BRAF: variants seen among roughly 807,000 people sequenced by gnomAD.
The protein encoded by BRAF is serine/threonine-protein kinase B-raf.
Under a neutral mutation model 104.6 loss-of-function variants are expected in BRAF, and 16 were observed. The observed-to-expected ratio is 0.15, with a 90% CI of 0.10 to 0.23. The LOEUF is 0.23. BRAF is among the 10% of genes least tolerant of loss of function. BRAF has a pLI of 1.00. For synonymous variants in BRAF, 310 were observed against 341.6 expected (o/e 0.91, Z 1.02); for missense variants, 541 against 937.3 (o/e 0.58, Z 5.52).
intron 1 of BRAF, among the ~76,000 whole-genome samples, chr7:140,906,439 C>G (rs1816337932): frequency 6.6e-6 from 1 of 152,188 alleles, no homozygotes; most frequent in Non-Finnish European, 1.5e-5. Flanking sequence ...TGGGCTCAGG[C>G]AATCTGCCCG....
At chr7:140,918,518 C>T (rs914607985) in intron 1 of BRAF, among the ~76,000 whole-genome samples, 1 of 152,056 alleles carries the variant, frequency 6.6e-6, no homozygotes, top group African/African-American at 2.4e-5. Flanking sequence ...AGGCTGTGGC[C>T]CAGGGGTTGG....
chr7:140,881,799 C>T (rs1050227064), intron 1 of BRAF, among the ~76,000 whole-genome samples: 2 of 152,104 alleles, frequency 1.3e-5, no homozygotes, highest in African/African-American at 2.4e-5. Flanking sequence ...TCAGGGCATG[C>T]GGAGGCTGGA....
intron 1 of BRAF, among the ~76,000 whole-genome samples, chr7:140,885,078 T>C (rs10261287): frequency 3.3e-4 from 50 of 152,172 alleles, no homozygotes; most frequent in African/African-American, 1.2e-3. Flanking sequence ...CTCAGCTCAC[T>C]TCAACCTTGG....
chr7:140,829,847 A>G (rs1457747280), intron 3 of BRAF, among the ~76,000 whole-genome samples: 1 of 152,196 alleles, frequency 6.6e-6, no homozygotes, highest in African/African-American at 2.4e-5. Context: ...TGTTTAACAC[A>G]GGAAAATTTT....
At chr7:140,811,815 G>T (rs1235816690) in intron 3 of BRAF, among the ~76,000 whole-genome samples, 3 of 152,104 alleles carry the variant, frequency 2.0e-5, no homozygotes, top group Non-Finnish European at 4.4e-5. Context: ...AATAATCCTT[G>T]TACTTCCCCT....
intron 7 of BRAF, among the ~76,000 whole-genome samples, chr7:140,795,477 G>GTAA (rs1373895861): frequency 6.6e-6 from 1 of 152,138 alleles, no homozygotes; most frequent in African/African-American, 2.4e-5. Flanking sequence ...AATTATTAGT[G>GTAA]GTTACTAAGA....
chr7:140,760,146 A>T (rs1376992574), intron 14 of BRAF, among the ~76,000 whole-genome samples: 1 of 152,122 alleles, frequency 6.6e-6, no homozygotes, highest in Non-Finnish European at 1.5e-5. Context: ...GGCACAGTGG[A>T]TCATGCCTGT....
chr7:140,905,177 A>G (rs1816165440), intron 1 of BRAF, among the ~76,000 whole-genome samples: 1 of 152,212 alleles, frequency 6.6e-6, no homozygotes, highest in Non-Finnish European at 1.5e-5. Context: ...ATTGTGTTAT[A>G]CAAATATTTT....
At chr7:140,881,527 A>G (rs1812920355) in intron 1 of BRAF, among the ~76,000 whole-genome samples, 1 of 152,198 alleles carries the variant, frequency 6.6e-6, no homozygotes, top group African/African-American at 2.4e-5. Context: ...AAGTGCTGGG[A>G]TTACAGGCAT....
chr7:140,783,197 G>C, intron 10 of BRAF, 40 bp from the exon 10 acceptor site: 4 of 1,609,328 alleles, frequency 2.5e-6, no homozygotes, highest in Non-Finnish European at 3.4e-6. Context: ...TTAAGGAGGA[G>C]CAAGTATGTT....
At chr7:140,866,964 T>C (rs946162677) in intron 1 of BRAF, among the ~76,000 whole-genome samples, 2 of 152,224 alleles carry the variant, frequency 1.3e-5, no homozygotes, top group Admixed American at 1.3e-4. Context: ...TTGCTTTATG[T>C]GCTTTGTCCC....
intron 1 of BRAF, among the ~76,000 whole-genome samples, chr7:140,914,426 C>G (rs1817351263): frequency 6.6e-6 from 1 of 152,118 alleles, no homozygotes; most frequent in Non-Finnish European, 1.5e-5. Context: ...GTGTTAGAGG[C>G]AATCCTGCAA....
At chr7:140,855,433 G>A (rs1039302362) in intron 1 of BRAF, among the ~76,000 whole-genome samples, 3 of 151,480 alleles carry the variant, frequency 2.0e-5, no homozygotes, top group Admixed American at 6.6e-5. Flanking sequence ...TTTACAAATG[G>A]CAAAACTCCT....
At position 140,924,826 on chromosome 7, in the gene BRAF, G is replaced by A. The variant is rs1428001649; in HGVS notation, c.-123C>T. ...AGGAGCGGGGGGCGCGGGGGGCGCG[G>A]GGAGGAGCGGCCCGGGCGGCGCCGC... On this transcript the variant is annotated 5_prime_UTR_variant, in exon 1 of 20. Transcript: ENST00000644969. This position sits in a 1 kb window ranked among gnomAD's most constrained non-coding sequence, Gnocchi z 4.2. 5.4e-6 allele frequency: 2 copies of A among 367,558 alleles called. No individual in the cohort carries two copies. The highest frequency in any genetic ancestry group is 9.6e-6 in the Non-Finnish European group (2 of 209,076). 22.8% of individuals were successfully genotyped at this position (367,558 alleles called of 1,614,324 possible). A position where few individuals can be genotyped will look rare whatever the true frequency, so the allele number is the denominator to read the frequency against.
At chr7:140,786,029 G>A (rs1801316741) in intron 9 of BRAF, among the ~76,000 whole-genome samples, 1 of 152,210 alleles carries the variant, frequency 6.6e-6, no homozygotes, top group Non-Finnish European at 1.5e-5. Context: ...TAAGCAGGCT[G>A]TGTTTATGAC....
chr7:140,816,307 T>C (rs781590304), intron 3 of BRAF, among the ~76,000 whole-genome samples: 4 of 152,208 alleles, frequency 2.6e-5, no homozygotes, highest in Non-Finnish European at 5.9e-5. Flanking sequence ...TGATCACTTG[T>C]AGATCTTAGT....
rs1463424558 is a variant in BRAF, at chr7:140,814,696, T to TAGGAC, written c.505-5702_505-5701insGTCCT. ...TATATATATATAAAATTCATATAATTTATACTTTATATATAATGTATATAA... is the reference window on the plus strand; with the variant it reads ...TATATATATATAAAATTCATATAATTAGGACTATACTTTATATATAATGTATATAA... On this transcript the variant is annotated intron_variant, in intron 3 of 19. Transcript: ENST00000644969. Among the ~76,000 whole-genome samples, 3 of 146,892 alleles carry TAGGAC rather than the reference T, an allele frequency of 2.0e-5. No homozygotes were observed. In the East Asian group the frequency reaches 5.8e-4, roughly 29 times the overall value.
At position 140,722,803 on chromosome 7, in the gene BRAF, C is replaced by T; in HGVS notation, c.*3691G>A. 1 of 1,052,948 alleles carries T rather than the reference C, an allele frequency of 9.5e-7. No homozygotes were observed. 65.2% of individuals were successfully genotyped at this position (1,052,948 alleles called of 1,614,324 possible). ...CATCACTGTTAGTGAAGTGATACCA[C>T]AGCTATTTAATTTCATGCAATTGAC... is the stretch of plus-strand genomic sequence containing the variant. On this transcript the variant is annotated 3_prime_UTR_variant, in exon 20 of 20. Coordinates refer to ENST00000644969, the MANE Select transcript of BRAF (RefSeq NM_001374258.1).
chr7:140,886,772 A>G (rs1813613014), intron 1 of BRAF, among the ~76,000 whole-genome samples: 1 of 152,104 alleles, frequency 6.6e-6, no homozygotes, highest in Non-Finnish European at 1.5e-5. Flanking sequence ...GTGTGTGTGT[A>G]TGTATGTATT....
Sources: gnomAD v4.1 joint callset for allele counts (sites outside exome capture counted in the v4.1 genomes callset) on GRCh38, gnomAD v4.1.1 for gene constraint, Gnocchi (gnomAD v3.1) non-coding constraint, MANE v1.5 for transcripts, NCBI Gene and HGNC (gene_info 2026-07-23, HGNC 2026-07-21) for gene names.